The following N4BP2 variants were observed in gnomAD, a reference collection of about 807,000 sequenced individuals.
The protein encoded by N4BP2 is NEDD4 binding protein 2.
Under a neutral mutation model 152.8 loss-of-function variants are expected in N4BP2, and 91 were observed. That is an observed-to-expected ratio of 0.60 (90% confidence interval 0.50 to 0.71). N4BP2 has a LOEUF of 0.71. N4BP2 is among the 30% of genes least tolerant of loss of function. N4BP2 has a pLI of 0.00. For missense variants in N4BP2, 1,923 were observed against 2,059.1 expected (o/e 0.93, Z 1.28); for synonymous variants, 646 against 705.3 (o/e 0.92, Z 1.33).
chr4:40,145,920 C>T (rs1000750138), intron 16 of N4BP2, among the ~76,000 whole-genome samples: 2 of 151,914 alleles, frequency 1.3e-5, no homozygotes, highest in East Asian at 3.9e-4. Flanking sequence ...CCCAGCACTT[C>T]GGAGGCCGAG....
chr4:40,142,507 G>A (rs1318048368), intron 14 of N4BP2, 166 bp from the exon 15 acceptor site: 3 of 570,294 alleles, frequency 5.3e-6, no homozygotes, highest in African/African-American at 3.7e-5. Flanking sequence ...AATGATAGTC[G>A]ATAAATGCCT....
At chr4:40,077,143 A>ATG (rs555295024) in intron 2 of N4BP2, among the ~76,000 whole-genome samples, 10,859 of 150,818 alleles carry the variant, frequency 0.072, 465 homozygotes, top group Non-Finnish European at 0.097. Context: ...TAGAATATAT[A>ATG]TGTGTGTGTG....
chr4:40,189,316 T>C, the N4BP2 span, among the ~76,000 whole-genome samples: 2 of 152,160 alleles, frequency 1.3e-5, no homozygotes, highest in African/African-American at 4.8e-5. This position sits in a 1 kb window ranked among gnomAD's most constrained non-coding sequence, Gnocchi z 4.3. Context: ...CTGGTTATAG[T>C]TCTCTCTCCA....
intron 16 of N4BP2, among the ~76,000 whole-genome samples, chr4:40,147,611 C>G (rs950331922): frequency 1.0e-4 from 15 of 149,624 alleles, no homozygotes; most frequent in African/African-American, 3.7e-4. Flanking sequence ...CCCTCCCGGA[C>G]GGGGCGGCTG....
intron 2 of N4BP2, among the ~76,000 whole-genome samples, chr4:40,092,035 TATATATATATAG>T (rs1336041491): frequency 8.5e-6 from 1 of 117,906 alleles, no homozygotes; most frequent in African/African-American, 3.2e-5. Context: ...TATATATATA[TATATATATATAG>T]CTGAATTTTA....
In N4BP2 at chr4:40,152,770, G is replaced by A; in HGVS notation, c.5144-10G>A. On this transcript the variant is annotated splice_polypyrimidine_tract_variant and intron_variant, in intron 16 of 17. Coordinates refer to ENST00000261435, the MANE Select transcript of N4BP2 (RefSeq NM_018177.6). ...ATGAATTTTAACTCCCCTGATTTCTGTTGTAACAGAATTTAAGCAGAACGG... is the reference window on the plus strand; with the variant it reads ...ATGAATTTTAACTCCCCTGATTTCTATTGTAACAGAATTTAAGCAGAACGG... The A allele has an allele frequency of 6.2e-7, 1 of 1,613,650 alleles. No individual in the cohort carries two copies. Among genetic ancestry groups the A allele is most frequent in the Non-Finnish European group, 8.5e-7 (1 of 1,179,786 alleles).
downstream of N4BP2, among the ~76,000 whole-genome samples, chr4:40,158,947 C>G (rs1476127166): frequency 6.6e-6 from 1 of 152,096 alleles, no homozygotes; most frequent in Non-Finnish European, 1.5e-5. Context: ...TGCGATAGAG[C>G]TTTTATCCAG....
At chr4:40,092,458 A>T (rs1038429785) in intron 2 of N4BP2, among the ~76,000 whole-genome samples, 1 of 151,908 alleles carries the variant, frequency 6.6e-6, no homozygotes, top group South Asian at 2.1e-4. Flanking sequence ...GCCTTTTGAT[A>T]TCTGCAAGGT....
the N4BP2 span, among the ~76,000 whole-genome samples, chr4:40,174,564 A>G: frequency 6.6e-6 from 1 of 152,220 alleles, no homozygotes; most frequent in East Asian, 1.9e-4. Flanking sequence ...GTACTTTGGG[A>G]GGCTGAGGTG....
chr4:40,137,226 TATA>T, intron 14 of N4BP2, 144 bp downstream of exon 14: 1 of 687,218 alleles, frequency 1.5e-6, no homozygotes, highest in Non-Finnish European at 2.4e-6. Flanking sequence ...ATATTTGGCT[TATA>T]ATATCTGTGC....
intron 2 of N4BP2, among the ~76,000 whole-genome samples, chr4:40,093,757 C>T (rs1356965875): frequency 2.0e-5 from 3 of 152,198 alleles, no homozygotes; most frequent in Admixed American, 6.5e-5. Flanking sequence ...CGCGTGCCAG[C>T]GCTCCTGGCT....
At chr4:40,085,701 A>G (rs964458724) in intron 2 of N4BP2, among the ~76,000 whole-genome samples, 1 of 152,102 alleles carries the variant, frequency 6.6e-6, no homozygotes, top group African/African-American at 2.4e-5. Context: ...ATTGTTTCCA[A>G]GTTGAGAGAT....
rs781400221 is a variant in N4BP2 at position 40,154,173 on chromosome 4, T to A, written c.5268-19T>A. 4 of 1,581,054 alleles carry A rather than the reference T, an allele frequency of 2.5e-6. No homozygotes were observed. In the South Asian group the frequency reaches 4.5e-5, roughly 18 times the overall value. On this transcript the variant is annotated intron_variant, in intron 17 of 17. Transcript: ENST00000261435. ...TTGAAATTTTCATCTTTAAAATAAC[T>A]CTTTTCTCATTTCTGCAGGTTCTCT...
chr4:40,166,204 C>T, the N4BP2 span, among the ~76,000 whole-genome samples: 2 of 152,076 alleles, frequency 1.3e-5, no homozygotes, highest in Non-Finnish European at 2.9e-5. Flanking sequence ...GCTACAAATA[C>T]CCCCACAGTA....
At chr4:40,108,548 T>C (rs1347575265) in intron 5 of N4BP2, among the ~76,000 whole-genome samples, 5 of 151,782 alleles carry the variant, frequency 3.3e-5, no homozygotes, top group Admixed American at 2.0e-4. Context: ...ACACCTGACC[T>C]TGTGATTCAC....
At chr4:40,104,808 T>C (rs1716081954) in intron 4 of N4BP2, among the ~76,000 whole-genome samples, 1 of 98,686 alleles carries the variant, frequency 1.0e-5, no homozygotes, top group Non-Finnish European at 2.0e-5. Context: ...CTGCGTTGTC[T>C]TTTTTTTTTT....
intron 2 of N4BP2, among the ~76,000 whole-genome samples, chr4:40,079,277 AT>A (rs1193826151): frequency 6.6e-6 from 1 of 151,150 alleles, no homozygotes; most frequent in East Asian, 1.9e-4. Flanking sequence ...AAGGTTTTGT[AT>A]TTTTTGTTTA....
chr4:40,087,130 A>G (rs1560581429), intron 2 of N4BP2, among the ~76,000 whole-genome samples: 1 of 152,086 alleles, frequency 6.6e-6, no homozygotes, highest in Non-Finnish European at 1.5e-5. Context: ...TATTGGGTTC[A>G]ATGTTCTATA....
chr4:40,120,214 G>A lies in N4BP2; in HGVS notation c.2103G>A (p.Glu701=), dbSNP rs77798140. 26 of 1,613,720 alleles carry A rather than the reference G, an allele frequency of 1.6e-5. No individual in the cohort carries two copies. The East Asian group carries it at 4.5e-4, about 28-fold the overall frequency. The change falls in exon 9 of 18, where the codon GAG becomes GAA. Residue 701 remains glutamate, a synonymous_variant. Coordinates refer to ENST00000261435, the MANE Select transcript of N4BP2 (RefSeq NM_018177.6). The part of the protein sequence containing the change: ...KLQATDKSEN[E]QIEMVAVKGY... ...AGGCAACAGACAAAAGTGAAAACGA[G>A]CAAATAGAAATGGTGGCTGTAAAAG... is the stretch of plus-strand genomic sequence containing the variant.
Sources: gnomAD v4.1 joint callset for allele counts (sites outside exome capture counted in the v4.1 genomes callset) on GRCh38, gnomAD v4.1.1 for gene constraint, Gnocchi (gnomAD v3.1) non-coding constraint, MANE v1.5 for transcripts, NCBI Gene and HGNC (gene_info 2026-07-23, HGNC 2026-07-21) for gene names.